The following WWTR1 variants were observed in gnomAD, a reference collection of about 807,000 sequenced individuals.
WWTR1 encodes WW domain containing transcription regulator 1.
A neutral mutation model predicts 40.1 loss-of-function variants in WWTR1; 13 were observed. The ratio of observed to expected loss-of-function variants is 0.32; its 90% CI spans 0.21 to 0.52. The LOEUF (loss-of-function observed/expected upper bound fraction) is 0.52, where lower values mean the gene tolerates loss of function less well. WWTR1 is among the 20% of genes least tolerant of loss of function. WWTR1 has a pLI of 0.97. For synonymous variants in WWTR1, 230 were observed against 210.1 expected, an observed-to-expected ratio of 1.09 and a Z score of -0.82; for missense variants, 436 against 523.1, an observed-to-expected ratio of 0.83 and a Z score of 1.63.
chr3:149,719,829 C>T (rs527615530), intron 4 of WWTR1, among the ~76,000 whole-genome samples: 3 of 152,290 alleles, frequency 2.0e-5, no homozygotes, highest in Non-Finnish European at 4.4e-5. Context: ...AGGTGGCTCT[C>T]ACTATAGTTT....
intron 2 of WWTR1, among the ~76,000 whole-genome samples, chr3:149,598,400 C>T (rs189320880): frequency 1.1e-3 from 162 of 152,280 alleles, no homozygotes; most frequent in African/African-American, 3.7e-3. Context: ...GAAACTGAGG[C>T]TCAAAAGTTT....
upstream of WWTR1, chr3:149,660,195 C>T (rs956348777): frequency 2.6e-5 from 4 of 152,080 alleles, no homozygotes; most frequent in Admixed American, 1.3e-4. Context: ...AATAAGCTAT[C>T]GAACAAGAGG....
intron 1 of WWTR1, among the ~76,000 whole-genome samples, chr3:149,684,385 G>A (rs1042225696): frequency 3.0e-4 from 46 of 152,120 alleles, no homozygotes; most frequent in Middle Eastern, 3.4e-3. Flanking sequence ...GCTGGGACAC[G>A]GGTGGGAAGG....
At chr3:149,642,281 G>A (rs1203349158) in intron 2 of WWTR1, among the ~76,000 whole-genome samples, 5 of 151,958 alleles carry the variant, frequency 3.3e-5, no homozygotes, top group African/African-American at 9.7e-5. Flanking sequence ...TTAGCCAGGC[G>A]TGGTGGCCCA....
intron 2 of WWTR1, among the ~76,000 whole-genome samples, chr3:149,617,300 AATCC>A (rs1740021872): frequency 6.6e-6 from 1 of 152,132 alleles, no homozygotes; most frequent in African/African-American, 2.4e-5. Context: ...AGCAGTGTGC[AATCC>A]GTCTTCTCTT....
At position 149,690,605 on chromosome 3, in the gene WWTR1, C is replaced by G. The variant is rs563821462; in HGVS notation, c.-108+12519G>C. Among the ~76,000 whole-genome samples the G allele has an allele frequency of 2.6e-4, 40 of 152,112 alleles. No individual in the cohort carries two copies. In the South Asian group the frequency reaches 8.3e-3, roughly 32 times the overall value. Reference sequence around the variant, plus strand: ...TACATGCACTCAACAATGGAGCATCCAGATATATAAAGCAAATATTATTAG... The same window carrying G: ...TACATGCACTCAACAATGGAGCATCGAGATATATAAAGCAAATATTATTAG... On this transcript the variant is annotated intron_variant, in intron 1 of 7. Coordinates refer to the WWTR1 transcript ENST00000465804.
At chr3:149,524,327 GTTT>G (rs3044124) in intron 6 of WWTR1, among the ~76,000 whole-genome samples, 1 of 139,292 alleles carries the variant, frequency 7.2e-6, no homozygotes, top group African/African-American at 2.7e-5. Context: ...CTCTTTTATG[GTTT>G]TTTTTTTTTT....
intron 3 of WWTR1, among the ~76,000 whole-genome samples, chr3:149,556,989 C>T (rs1736856944): frequency 6.6e-6 from 1 of 151,498 alleles, no homozygotes; most frequent in Non-Finnish European, 1.5e-5. Context: ...TGAGATCATG[C>T]CACTACCCAG....
upstream of WWTR1, among the ~76,000 whole-genome samples, chr3:149,707,006 A>G (rs954848260): frequency 6.6e-6 from 1 of 152,178 alleles, no homozygotes; most frequent in Admixed American, 6.5e-5. Context: ...TGAATTTTCC[A>G]TATTAATGTG....
intron 2 of WWTR1, among the ~76,000 whole-genome samples, chr3:149,605,912 G>C (rs1411538553): frequency 1.3e-5 from 2 of 152,118 alleles, no homozygotes; most frequent in South Asian, 2.1e-4. Flanking sequence ...TACTGCTATG[G>C]TGTGAATGTC....
At chr3:149,680,578 A>AAAC (rs2108203019) in intron 1 of WWTR1, among the ~76,000 whole-genome samples, 1 of 75,056 alleles carries the variant, frequency 1.3e-5, no homozygotes, top group Non-Finnish European at 2.7e-5. Flanking sequence ...ACAAACAAAC[A>AAAC]AAAAAACGTA....
chr3:149,609,360 G>A (rs991123262), intron 2 of WWTR1, among the ~76,000 whole-genome samples: 18 of 152,164 alleles, frequency 1.2e-4, no homozygotes, highest in Admixed American at 1.0e-3. Flanking sequence ...AGAAATTATT[G>A]CGCTAGTTCA....
intron 1 of WWTR1, among the ~76,000 whole-genome samples, chr3:149,696,291 C>A (rs1167837782): frequency 6.6e-6 from 1 of 152,018 alleles, no homozygotes; most frequent in Admixed American, 6.6e-5. Flanking sequence ...ACACCAAGCA[C>A]TTAGATGCCC....
intron 1 of WWTR1, among the ~76,000 whole-genome samples, chr3:149,686,053 T>C (rs1485814490): frequency 6.6e-6 from 1 of 152,186 alleles, no homozygotes; most frequent in Non-Finnish European, 1.5e-5. Flanking sequence ...TACCATGCCT[T>C]CAGCCACAAA....
At chr3:149,591,423 A>G (rs1157500892) in intron 2 of WWTR1, among the ~76,000 whole-genome samples, 1 of 152,144 alleles carries the variant, frequency 6.6e-6, no homozygotes, top group Non-Finnish European at 1.5e-5. Flanking sequence ...TTTAGTTTTT[A>G]TTAATGTTTT....
intron 2 of WWTR1, among the ~76,000 whole-genome samples, chr3:149,591,119 A>G (rs1738700525): frequency 6.6e-6 from 1 of 152,218 alleles, no homozygotes; most frequent in African/African-American, 2.4e-5. Flanking sequence ...GAGAAAGGAA[A>G]GAAAGAAATA....
At chr3:149,547,646 G>A (rs545146895) in intron 3 of WWTR1, among the ~76,000 whole-genome samples, 2 of 152,200 alleles carry the variant, frequency 1.3e-5, no homozygotes, top group East Asian at 1.9e-4. Context: ...GCTCTAGACC[G>A]TTGCCAGTCC....
At chr3:149,611,940 G>C (rs1036893590) in intron 2 of WWTR1, among the ~76,000 whole-genome samples, 1 of 152,102 alleles carries the variant, frequency 6.6e-6, no homozygotes, top group East Asian at 1.9e-4. Context: ...TTATTGCCTA[G>C]ACTTACATTT....
intron 2 of WWTR1, among the ~76,000 whole-genome samples, chr3:149,625,100 C>CTTT (rs759849000): frequency 3.1e-5 from 3 of 96,374 alleles, no homozygotes; most frequent in Non-Finnish European, 2.2e-5. Flanking sequence ...CAACTCTACC[C>CTTT]TTTTTTTTTT....
Sources: gnomAD v4.1 joint callset for allele counts (sites outside exome capture counted in the v4.1 genomes callset) on GRCh38, gnomAD v4.1.1 for gene constraint, MANE v1.5 for transcripts, NCBI Gene and HGNC (gene_info 2026-07-23, HGNC 2026-07-21) for gene names.